SUPT3H: variants seen among roughly 807,000 people sequenced by gnomAD.
SUPT3H encodes the protein SPT3 homolog, SAGA and STAGA complex component, also known as transcription initiation protein SPT3 homolog.
SUPT3H carries 44 observed loss-of-function variants against 44.3 expected under a neutral mutation model. The observed-to-expected ratio is 0.99, with a 90% CI of 0.78 to 1.28. SUPT3H has a LOEUF of 1.28. Among genes scored for constraint, SUPT3H ranks in the 50% most tolerant of loss-of-function variants. The pLI, the probability that SUPT3H is intolerant of heterozygous loss-of-function variation, is 0.00. For missense variants in SUPT3H, 380 were observed against 387.1 expected (o/e 0.98, Z 0.15); for synonymous variants, 124 against 125.6 (o/e 0.99, Z 0.09).
intron 2 of SUPT3H, among the ~76,000 whole-genome samples, chr6:45,145,388 G>A (rs966527831): frequency 1.4e-4 from 21 of 152,076 alleles, no homozygotes; most frequent in African/African-American, 4.3e-4. Context: ...ACTGATCTTC[G>A]ACAATACAAA....
intron 11 of SUPT3H, among the ~76,000 whole-genome samples, chr6:44,815,718 C>G (rs906402563): frequency 6.6e-6 from 1 of 152,016 alleles, no homozygotes; most frequent in South Asian, 2.1e-4. Flanking sequence ...ACAGATAAGT[C>G]TACAATATTA....
chr6:45,019,704 A>G (rs1784838178), intron 4 of SUPT3H, among the ~76,000 whole-genome samples: 1 of 151,976 alleles, frequency 6.6e-6, no homozygotes, highest in African/African-American at 2.4e-5. Context: ...CTTGTACCTA[A>G]GACTGCCTCA....
At chr6:45,136,573 T>C (rs1485058297) in intron 2 of SUPT3H, among the ~76,000 whole-genome samples, 1 of 149,826 alleles carries the variant, frequency 6.7e-6, no homozygotes, top group African/African-American at 2.5e-5. Flanking sequence ...ACAACAATAA[T>C]CCACTAAATG....
At chr6:45,022,411 C>T (rs904062976) in intron 3 of SUPT3H, among the ~76,000 whole-genome samples, 3 of 65,500 alleles carry the variant, frequency 4.6e-5, no homozygotes, top group African/African-American at 1.9e-4. Flanking sequence ...CATTTGGAAT[C>T]ACTGTTTTTT....
intron 2 of SUPT3H, among the ~76,000 whole-genome samples, chr6:45,313,618 T>C (rs1254564811): frequency 2.9e-5 from 4 of 136,722 alleles, no homozygotes; most frequent in African/African-American, 5.5e-5. Flanking sequence ...AACAGACCAA[T>C]AACAAGCAGC....
chr6:45,089,910 A>G (rs1796928087), intron 3 of SUPT3H, among the ~76,000 whole-genome samples: 1 of 152,058 alleles, frequency 6.6e-6, no homozygotes. Context: ...TGTCTACAGA[A>G]TTACATACAA....
chr6:45,263,175 C>T (rs1479520873), intron 2 of SUPT3H, among the ~76,000 whole-genome samples: 2 of 152,120 alleles, frequency 1.3e-5, no homozygotes, highest in African/African-American at 4.8e-5. Context: ...CAGATAGACA[C>T]TGGCACACAT....
At chr6:45,053,914 C>CA (rs56734466) in intron 3 of SUPT3H, among the ~76,000 whole-genome samples, 3,444 of 79,512 alleles carry the variant, frequency 0.043, 114 homozygotes, top group African/African-American at 0.083. Flanking sequence ...GACTCCGTCT[C>CA]AAAAAAAAAA....
intron 2 of SUPT3H, among the ~76,000 whole-genome samples, chr6:45,175,869 C>A (rs917653505): frequency 6.6e-6 from 1 of 152,206 alleles, no homozygotes; most frequent in African/African-American, 2.4e-5. Flanking sequence ...CAGTTATTCT[C>A]ATGTGACATC....
Position 45,039,223 on chromosome 6 carries a change from C to T in SUPT3H, c.187-18591G>A, listed in dbSNP as rs551200810. Among the ~76,000 whole-genome samples, 177 of 152,142 alleles carry T rather than the reference C, an allele frequency of 1.2e-3. 1 individual carries two copies. Among genetic ancestry groups the T allele is most frequent in the African/African-American group, 4.0e-3 (165 of 41,524 alleles). On this transcript the variant is annotated intron_variant, in intron 3 of 10. Transcript: ENST00000371459. ...GGATCAAGAAACAGGAAGAAAAAGACGCATTTAAGTCACAACACTCCTAAA... is the reference window on the plus strand; with the variant it reads ...GGATCAAGAAACAGGAAGAAAAAGATGCATTTAAGTCACAACACTCCTAAA...
At chr6:45,025,480 T>G (rs1785825632) in intron 3 of SUPT3H, among the ~76,000 whole-genome samples, 1 of 152,220 alleles carries the variant, frequency 6.6e-6, no homozygotes, top group African/African-American at 2.4e-5. Flanking sequence ...TCAATTTAAA[T>G]GTAACAGAAA....
intron 10 of SUPT3H, among the ~76,000 whole-genome samples, chr6:44,861,875 G>T (rs1022498310): frequency 4.6e-5 from 7 of 152,258 alleles, no homozygotes; most frequent in African/African-American, 1.7e-4. Context: ...GTTCTGCTTT[G>T]ATCTGATTTT....
chr6:45,270,006 C>G (rs984385627), intron 2 of SUPT3H, among the ~76,000 whole-genome samples: 1 of 152,070 alleles, frequency 6.6e-6, no homozygotes, highest in African/African-American at 2.4e-5. Context: ...TTTGCCTATT[C>G]TAGATATTAC....
intron 10 of SUPT3H, among the ~76,000 whole-genome samples, chr6:44,852,759 A>T (rs1414282870): frequency 6.6e-6 from 1 of 152,210 alleles, no homozygotes; most frequent in Non-Finnish European, 1.5e-5. Context: ...CAGCATACAA[A>T]AGGTCTTGCT....
intron 2 of SUPT3H, chr6:45,328,113 T>A (rs559791932): frequency 5.8e-5 from 22 of 380,408 alleles, no homozygotes; most frequent in Non-Finnish European, 9.2e-5. Flanking sequence ...AAAAGCTATA[T>A]CCTTCTGGAT....
intron 3 of SUPT3H, among the ~76,000 whole-genome samples, chr6:45,083,060 A>T (rs1455837556): frequency 1.3e-5 from 2 of 152,040 alleles, no homozygotes; most frequent in African/African-American, 4.8e-5. Flanking sequence ...GAATACATCT[A>T]ACAAAGGAGG....
At chr6:44,877,646 A>G (rs1256774595) in intron 10 of SUPT3H, among the ~76,000 whole-genome samples, 2 of 152,146 alleles carry the variant, frequency 1.3e-5, no homozygotes, top group Admixed American at 6.5e-5. Flanking sequence ...GGAACAGTTT[A>G]TGTGTGTGTG....
rs367658540 is a variant in SUPT3H, at chr6:45,175,740, G to A, written c.102-69734C>T. Among the ~76,000 whole-genome samples the A allele has an allele frequency of 1.8e-4, 27 of 152,112 alleles. No homozygotes were observed. In the East Asian group the frequency reaches 3.1e-3, roughly 17 times the overall value. On this transcript the variant is annotated intron_variant, in intron 2 of 10. Transcript: ENST00000371459. ...AAAAAAATGGTAATTTTTAGGCTACGTATTATGGAACCCAAAGTTTTATGA... is the reference window on the plus strand; with the variant it reads ...AAAAAAATGGTAATTTTTAGGCTACATATTATGGAACCCAAAGTTTTATGA...
At chr6:45,168,621 G>C (rs1810296236) in intron 2 of SUPT3H, among the ~76,000 whole-genome samples, 1 of 152,080 alleles carries the variant, frequency 6.6e-6, no homozygotes, top group African/African-American at 2.4e-5. Context: ...GTAAAATCCT[G>C]GCTGCATCTG....
Sources: gnomAD v4.1 joint callset for allele counts (sites outside exome capture counted in the v4.1 genomes callset) on GRCh38, gnomAD v4.1.1 for gene constraint, MANE v1.5 for transcripts, NCBI Gene and HGNC (gene_info 2026-07-23, HGNC 2026-07-21) for gene names.